Variants in OAS3 observed in about 807,000 individuals in gnomAD.
OAS3 encodes 2'-5'-oligoadenylate synthetase 3.
A neutral mutation model predicts 113.0 loss-of-function variants in OAS3; 107 were observed. That is an observed-to-expected ratio of 0.95 (90% confidence interval 0.81 to 1.11). The LOEUF is 1.11. Among genes scored for constraint, OAS3 ranks in the 50% most tolerant of loss-of-function variants. OAS3 has a pLI of 0.00. For synonymous variants in OAS3, 552 were observed against 573.6 expected, an observed-to-expected ratio of 0.96 and a Z score of 0.54; for missense variants, 1,258 against 1,389.1, an observed-to-expected ratio of 0.91 and a Z score of 1.50.
Position 112,962,884 on chromosome 12 carries a change from G to C in OAS3, c.2066G>C (p.Gly689Ala). ...EDPAMRMHLL[G>A]QLRKPRPLVL... is the part of the protein sequence containing the mutation. Reference sequence around the variant, plus strand: ...CCAGCCATGAGAATGCACCTTCTTGGCCAGCTTCGAAAACCCAGGTGAAGA... The same window carrying C: ...CCAGCCATGAGAATGCACCTTCTTGCCCAGCTTCGAAAACCCAGGTGAAGA... The change falls in exon 9 of 16, where the codon GGC (glycine) becomes GCC (alanine). Residue 689 changes from glycine to alanine, a missense_variant. By Grantham distance (60) the Gly-to-Ala change is moderately conservative. Transcript: ENST00000228928. 1 of 1,613,720 alleles carries C rather than the reference G, an allele frequency of 6.2e-7. No homozygotes were observed. The highest frequency in any genetic ancestry group is 8.5e-7 in the Non-Finnish European group (1 of 1,179,694).
rs1237786132 is a variant in OAS3, at chr12:112,963,885, T to TGAGA, written c.2230-349_2230-346dup. On this transcript the variant is annotated intron_variant, in intron 10 of 15. Coordinates refer to ENST00000228928, the MANE Select transcript of OAS3 (RefSeq NM_006187.4). The surrounding 1 kb of genome is among the most constrained non-coding windows in gnomAD (Gnocchi z 4.6). ...CCATGGACCCTGCTTCTAGGAAAAC[T>TGAGA]GAGACATAAGCCACTTGCAGCTCCC... Among the ~76,000 whole-genome samples the TGAGA allele has an allele frequency of 6.6e-6, 1 of 152,214 alleles. No individual in the cohort carries two copies. Among genetic ancestry groups the TGAGA allele is most frequent in the African/African-American group, 2.4e-5 (1 of 41,446 alleles).
At chr12:112,966,835 G>T (rs1344549842) in intron 12 of OAS3, among the ~76,000 whole-genome samples, 1 of 152,248 alleles carries the variant, frequency 6.6e-6, no homozygotes, top group South Asian at 2.1e-4. Flanking sequence ...TAGAGATGGG[G>T]ATATGACTAT....
intron 7 of OAS3, among the ~76,000 whole-genome samples, chr12:112,952,058 C>G (rs1159893837): frequency 6.6e-6 from 1 of 152,076 alleles, no homozygotes; most frequent in Non-Finnish European, 1.5e-5. Flanking sequence ...TCCTTTAGAT[C>G]TAGCTTATGA....
chr12:112,955,115 C>G (rs1418101617), intron 7 of OAS3, among the ~76,000 whole-genome samples: 3 of 152,114 alleles, frequency 2.0e-5, no homozygotes, highest in Non-Finnish European at 4.4e-5. Flanking sequence ...TGATTTGGCT[C>G]TCTGTTTGTT....
intron 12 of OAS3, among the ~76,000 whole-genome samples, chr12:112,966,303 G>A (rs1056484128): frequency 6.6e-6 from 1 of 152,182 alleles, no homozygotes; most frequent in Non-Finnish European, 1.5e-5. Context: ...CCTTGAACAA[G>A]GGACTTCCCC....
intron 13 of OAS3, 98 bp downstream of exon 13, chr12:112,967,691 C>T (rs1330540118): frequency 2.9e-6 from 4 of 1,390,906 alleles, no homozygotes; most frequent in East Asian, 2.5e-5. Flanking sequence ...GGCCAAGATC[C>T]TGGGTTGGTG....
At chr12:112,951,117 C>A (rs1044346073) in intron 7 of OAS3, 142 bp downstream of exon 7, 4 of 742,850 alleles carry the variant, frequency 5.4e-6, no homozygotes, top group Admixed American at 2.9e-5. Flanking sequence ...TGAAAGTAAT[C>A]ATCACCATCA....
intron 12 of OAS3, 44 bp from the exon 13 acceptor site, chr12:112,967,374 C>T (rs1236530916): frequency 2.6e-6 from 4 of 1,564,494 alleles, no homozygotes; most frequent in Non-Finnish European, 3.5e-6. Flanking sequence ...CCCACTGGGA[C>T]AACATGGGAG....
At chr12:112,946,661 G>A (rs2136346535) in intron 3 of OAS3, 82 bp from the exon 4 acceptor site, 2 of 1,255,580 alleles carry the variant, frequency 1.6e-6, no homozygotes, top group African/African-American at 1.5e-5. Flanking sequence ...GGCCTGGAAG[G>A]TCCCCAGTCT....
chr12:112,938,621 C>T lies in OAS3; in HGVS notation c.91C>T (p.Arg31Cys). The change falls in exon 1 of 16, where the codon CGC becomes TGC. Residue 31 changes from arginine (R) to cysteine (C), a missense_variant. Coordinates refer to ENST00000228928, the MANE Select transcript of OAS3 (RefSeq NM_006187.4). ...GAAGGAGTTCGTAGAGAAGGCGCGG[C>T]GCGCTCTGGGCGCCCTGGCCGCTGC... ...PRKEFVEKAR[R>C]ALGALAAALR... The T allele has an allele frequency of 6.2e-7, 1 of 1,608,980 alleles. No homozygotes were observed. Among genetic ancestry groups the T allele is most frequent in the Middle Eastern group, 1.8e-4 (1 of 5,558 alleles).
At chr12:112,948,754 C>A (rs2043757650) in intron 5 of OAS3, 107 bp from the exon 6 acceptor site, 3 of 861,552 alleles carry the variant, frequency 3.5e-6, no homozygotes, top group Middle Eastern at 5.0e-4. Flanking sequence ...CTCTCTGAGC[C>A]TCAGTCACCC....
At position 112,950,518 on chromosome 12, in the gene OAS3, G is replaced by C. The variant is rs1213338213; in HGVS notation, c.1375-175G>C. On this transcript the variant is annotated intron_variant, in intron 6 of 15. Transcript: ENST00000228928. ...GCAGGCAGATACAACTTGACTCTCT[G>C]TCACAATTCTAAGAGGTCACAGGAC... 2.3e-5 allele frequency: 16 copies of C among 710,032 alleles called. No individual in the cohort carries two copies. The South Asian group carries it at 2.6e-4, about 11-fold the overall frequency. The allele number at this position is 710,032 out of a possible 1,614,324, so 44.0% of individuals were successfully genotyped here. A position where few individuals can be genotyped will look rare whatever the true frequency, so the allele number is the denominator to read the frequency against.
At chr12:112,962,940 TC>T in intron 9 of OAS3, 38 bp downstream of exon 9, 1 of 1,606,536 alleles carries the variant, frequency 6.2e-7, no homozygotes, top group Non-Finnish European at 8.5e-7. Flanking sequence ...TTCATTATCC[TC>T]CCCCTCCCCA....
chr12:112,952,616 C>G (rs1348491715), intron 7 of OAS3, among the ~76,000 whole-genome samples: 1 of 152,070 alleles, frequency 6.6e-6, no homozygotes, highest in Non-Finnish European at 1.5e-5. Flanking sequence ...ACTTGATTTC[C>G]TGTTCTTCCT....
Position 112,964,238 on chromosome 12 carries a change from G to T in OAS3, c.2233G>T (p.Ala745Ser). The T allele has an allele frequency of 6.3e-7, 1 of 1,586,248 alleles. No homozygotes were observed. The highest frequency in any genetic ancestry group is 1.2e-5 in the South Asian group (1 of 86,360). Residue 745 changes from alanine (A) to serine (S), a missense_variant, in exon 11 of 16, where the codon GCC becomes TCC. Coordinates refer to ENST00000228928, the MANE Select transcript of OAS3 (RefSeq NM_006187.4). ...CCCACCTGGATTCTCTCTGCAGCCA[G>T]CCCTCCTTTACCAAACCCCAGCTGG... is the stretch of plus-strand genomic sequence containing the variant. ...TSVQPWDVMP[A>S]LLYQTPAGDL...
rs2043908342 is a variant in OAS3 at position 112,963,547 on chromosome 12, G to T, written c.2229+90G>T. 3.1e-6 allele frequency: 4 copies of T among 1,301,488 alleles called. No individual in the cohort carries two copies. Among genetic ancestry groups the T allele is most frequent in the Non-Finnish European group, 4.0e-6 (4 of 995,402 alleles). 80.6% of individuals were successfully genotyped at this position (1,301,488 alleles called of 1,614,324 possible). ...CCTGCCGGTGCACCCATCCCCAGCT[G>T]CTAGGAGTGTTGGTGGCTGACAACT... On this transcript the variant is annotated intron_variant, in intron 10 of 15. Transcript: ENST00000228928. This position sits in a 1 kb window ranked among gnomAD's most constrained non-coding sequence, Gnocchi z 4.6.
intron 7 of OAS3, among the ~76,000 whole-genome samples, chr12:112,959,584 A>G (rs2043864282): frequency 2.6e-5 from 4 of 152,082 alleles, no homozygotes; most frequent in Admixed American, 1.3e-4. Context: ...AGGTCTTCCA[A>G]TAGCTCTTCA....
chr12:112,950,110 A>G (rs1052762913), intron 6 of OAS3, among the ~76,000 whole-genome samples: 1 of 152,122 alleles, frequency 6.6e-6, no homozygotes, highest in Non-Finnish European at 1.5e-5. Flanking sequence ...CTCAGGACCT[A>G]TTGTTTATTG....
chr12:112,943,257 A>G (rs2043696546), intron 2 of OAS3, among the ~76,000 whole-genome samples: 1 of 152,138 alleles, frequency 6.6e-6, no homozygotes, highest in Non-Finnish European at 1.5e-5. Flanking sequence ...TATTAATCAT[A>G]ATAGTTACTA....
Sources: allele counts gnomAD v4.1 joint callset (sites outside exome capture counted in the v4.1 genomes callset), GRCh38; gene constraint gnomAD v4.1.1; non-coding constraint Gnocchi (gnomAD v3.1); transcripts MANE v1.5; gene names NCBI Gene and HGNC (gene_info 2026-07-23, HGNC 2026-07-21).